The following ZRANB3 variants were observed in gnomAD, a reference collection of about 807,000 sequenced individuals.
ZRANB3 encodes the protein DNA annealing helicase and endonuclease ZRANB3.
In ZRANB3, 125 loss-of-function variants were observed where a neutral mutation model predicts 133.8. The observed-to-expected ratio is 0.93, with a 90% CI of 0.81 to 1.08. The LOEUF is 1.08. ZRANB3 is among the 50% of genes least tolerant of loss of function. The pLI, the probability that ZRANB3 is intolerant of heterozygous loss-of-function variation, is 0.00. For missense variants in ZRANB3, 1,229 were observed against 1,275.5 expected (o/e 0.96, Z 0.56); for synonymous variants, 387 against 432.7 (o/e 0.89, Z 1.31).
intron 2 of ZRANB3, among the ~76,000 whole-genome samples, chr2:135,419,917 T>C (rs1455132076): frequency 6.6e-6 from 1 of 151,620 alleles, no homozygotes; most frequent in Non-Finnish European, 1.5e-5. Context: ...CTGGCTCTGT[T>C]TGTTAGGTTT....
intron 3 of ZRANB3, among the ~76,000 whole-genome samples, chr2:135,373,754 A>T (rs72984429): frequency 0.27 from 37,508 of 138,672 alleles, 8,324 homozygotes; most frequent in African/African-American, 0.6. Context: ...CCCCACTGCA[A>T]TCCAGCCTGG....
At chr2:135,327,484 G>C (rs1309469448) in intron 6 of ZRANB3, among the ~76,000 whole-genome samples, 1 of 151,976 alleles carries the variant, frequency 6.6e-6, no homozygotes, top group Non-Finnish European at 1.5e-5. Flanking sequence ...GACTAAGAAA[G>C]GAACAGTCAA....
At chr2:135,408,719 G>T (rs571879593) in intron 2 of ZRANB3, among the ~76,000 whole-genome samples, 53 of 151,894 alleles carry the variant, frequency 3.5e-4, no homozygotes, top group Non-Finnish European at 5.9e-4. Flanking sequence ...GCAAACTATC[G>T]CAAGGACAAA....
intron 6 of ZRANB3, among the ~76,000 whole-genome samples, chr2:135,336,937 C>T (rs896423271): frequency 6.6e-6 from 1 of 151,702 alleles, no homozygotes; most frequent in African/African-American, 2.4e-5. Context: ...AAAAAAAAGA[C>T]CTATGATAGG....
At chr2:135,379,484 T>C (rs1216011067) in intron 3 of ZRANB3, among the ~76,000 whole-genome samples, 1 of 152,216 alleles carries the variant, frequency 6.6e-6, no homozygotes, top group African/African-American at 2.4e-5. Flanking sequence ...TGAGGTCAAA[T>C]ATCAGGTCCC....
chr2:135,252,012 C>T (rs541572300), intron 12 of ZRANB3, among the ~76,000 whole-genome samples: 70 of 152,228 alleles, frequency 4.6e-4, no homozygotes, highest in African/African-American at 1.5e-3. Flanking sequence ...TCCAGCCTGG[C>T]GACAGAGCAG....
chr2:135,301,078 G>A (rs906910615), intron 8 of ZRANB3, among the ~76,000 whole-genome samples: 17 of 151,952 alleles, frequency 1.1e-4, no homozygotes, highest in South Asian at 4.1e-4. Context: ...TGGCACGATC[G>A]TGGCTCACTG....
chr2:135,413,102 T>A (rs1558982265), intron 2 of ZRANB3, among the ~76,000 whole-genome samples: 2 of 152,192 alleles, frequency 1.3e-5, no homozygotes, highest in Non-Finnish European at 2.9e-5. Flanking sequence ...GTTGCAAATA[T>A]AGGCTGCTTC....
intron 2 of ZRANB3, among the ~76,000 whole-genome samples, chr2:135,410,133 G>A (rs1254467750): frequency 1.3e-5 from 2 of 151,976 alleles, no homozygotes; most frequent in Non-Finnish European, 2.9e-5. Flanking sequence ...CTAGAGAAAA[G>A]TATTTTAAAA....
rs1690159432 is a variant in ZRANB3 at position 135,449,258 on chromosome 2, A to C, written c.161+55071T>G. On this transcript the variant is annotated intron_variant, in intron 2 of 20. Transcript: ENST00000264159. The stretch of plus-strand genomic sequence containing the variant: ...GACACCATCCAATACAATTGCAATG[A>C]GAAATCCCGAGTGAACCCAGCCAAA... Among the ~76,000 whole-genome samples the C allele has an allele frequency of 2.0e-5, 3 of 152,316 alleles. No homozygotes were observed. In the East Asian group the frequency reaches 5.8e-4, roughly 29 times the overall value.
intron 2 of ZRANB3, among the ~76,000 whole-genome samples, chr2:135,408,241 T>C (rs970581624): frequency 3.3e-5 from 5 of 152,086 alleles, no homozygotes; most frequent in Admixed American, 6.6e-5. Context: ...TCATCACTGC[T>C]CATCAGAGAA....
intron 1 of ZRANB3, among the ~76,000 whole-genome samples, chr2:135,520,626 T>C (rs1693895193): frequency 6.6e-6 from 1 of 151,744 alleles, no homozygotes; most frequent in Non-Finnish European, 1.5e-5. Context: ...GCTCTGTCAC[T>C]TAGGCTAGAG....
chr2:135,293,844 T>C (rs1681891205), intron 8 of ZRANB3, among the ~76,000 whole-genome samples: 3 of 150,844 alleles, frequency 2.0e-5, no homozygotes, highest in Non-Finnish European at 4.4e-5. Flanking sequence ...TCTGCATCTA[T>C]TGAGATAATC....
chr2:135,372,927 A>T (rs74793377), intron 3 of ZRANB3, among the ~76,000 whole-genome samples: 7,401 of 152,088 alleles, frequency 0.049, 257 homozygotes, highest in Middle Eastern at 0.12. Flanking sequence ...AAAAAAAATT[A>T]AAAAATTAGC....
chr2:135,505,217 A>AAATAAT (rs374152827), intron 1 of ZRANB3, among the ~76,000 whole-genome samples: 1 of 152,116 alleles, frequency 6.6e-6, no homozygotes, highest in African/African-American at 2.4e-5. Context: ...AATGCCTATC[A>AAATAAT]AATAATAATA....
chr2:135,279,531 C>G (rs1376104918), intron 8 of ZRANB3, among the ~76,000 whole-genome samples: 4 of 152,156 alleles, frequency 2.6e-5, no homozygotes, highest in African/African-American at 9.7e-5. Flanking sequence ...ATGTACATGT[C>G]AAGATGGAGT....
chr2:135,348,696 G>A (rs1185644527), intron 5 of ZRANB3, among the ~76,000 whole-genome samples: 2 of 152,166 alleles, frequency 1.3e-5, no homozygotes, highest in South Asian at 4.1e-4. Context: ...CTGGGTTCAA[G>A]TGATTTTCCT....
At chr2:135,390,869 C>CA in intron 2 of ZRANB3, 49 bp from the exon 3 acceptor site, 1 of 1,164,592 alleles carries the variant, frequency 8.6e-7, no homozygotes, top group Non-Finnish European at 1.1e-6. Flanking sequence ...AACCTTTTTC[C>CA]TTTTTTTTTT....
chr2:135,282,108 ACT>A (rs1454075817), intron 8 of ZRANB3, among the ~76,000 whole-genome samples: 6 of 152,026 alleles, frequency 3.9e-5, no homozygotes, highest in East Asian at 3.9e-4. Context: ...CAGTTGATAT[ACT>A]CTCTTATTTT....
Sources: gnomAD v4.1 joint callset for allele counts (sites outside exome capture counted in the v4.1 genomes callset) on GRCh38, gnomAD v4.1.1 for gene constraint, MANE v1.5 for transcripts, NCBI Gene and HGNC (gene_info 2026-07-23, HGNC 2026-07-21) for gene names.